The following TENM3 variants were observed in gnomAD, a reference collection of about 807,000 sequenced individuals.
TENM3 encodes the protein teneurin-3.
TENM3 carries 63 observed loss-of-function variants against 255.1 expected under a neutral mutation model. That is an observed-to-expected ratio of 0.25 (90% confidence interval 0.20 to 0.30). The LOEUF (loss-of-function observed/expected upper bound fraction) is 0.30, where lower values mean the gene tolerates loss of function less well. Among genes scored for constraint, TENM3 ranks in the 10% least tolerant of loss-of-function variants. The pLI is 1.00. For missense variants in TENM3, 2,929 were observed against 3,461.1 expected (o/e 0.85, Z 3.86); for synonymous variants, 1,306 against 1,322.3 (o/e 0.99, Z 0.27).
chr4:181,637,074 G>A, the TENM3 span, among the ~76,000 whole-genome samples: 5 of 152,028 alleles, frequency 3.3e-5, no homozygotes, highest in Admixed American at 6.6e-5. Flanking sequence ...GCTCTCTGCC[G>A]CCTTCAGGTC....
At chr4:182,356,334 C>T (rs1232109691) in intron 3 of TENM3, among the ~76,000 whole-genome samples, 1 of 152,118 alleles carries the variant, frequency 6.6e-6, no homozygotes, top group Non-Finnish European at 1.5e-5. Flanking sequence ...GAGACCCCAT[C>T]TCAGAGAAAA....
At chr4:182,622,135 C>T (rs1732043259) in intron 4 of TENM3, among the ~76,000 whole-genome samples, 2 of 151,932 alleles carry the variant, frequency 1.3e-5, no homozygotes, top group Admixed American at 6.6e-5. Context: ...CCAAGGCGGG[C>T]AGATCACCTA....
At chr4:181,745,754 A>C in the TENM3 span, among the ~76,000 whole-genome samples, 1 of 152,300 alleles carries the variant, frequency 6.6e-6, no homozygotes, top group East Asian at 1.9e-4. Context: ...AGGATACAGA[A>C]AAATGCATGA....
the TENM3 span, among the ~76,000 whole-genome samples, chr4:182,014,033 CACATATAT>C: frequency 7.3e-3 from 150 of 20,488 alleles, 1 homozygote; most frequent in Admixed American, 0.013. Flanking sequence ...TACGTATATA[CACATATAT>C]ACGTATATAT....
chr4:182,346,587 A>G, intron 2 of TENM3, 64 bp from the exon 3 acceptor site: 2 of 1,400,180 alleles, frequency 1.4e-6, no homozygotes, highest in Non-Finnish European at 1.9e-6. Flanking sequence ...AAAAAAAAAA[A>G]AAGAAAAGAA....
chr4:181,517,723 T>C, the TENM3 span, among the ~76,000 whole-genome samples: 1 of 152,220 alleles, frequency 6.6e-6, no homozygotes, highest in Non-Finnish European at 1.5e-5. Flanking sequence ...TCTGAATGAT[T>C]CACACACGCT....
chr4:181,711,149 TG>T, the TENM3 span, among the ~76,000 whole-genome samples: 1 of 152,182 alleles, frequency 6.6e-6, no homozygotes. Flanking sequence ...GTATTCTAGC[TG>T]ATCAAAGCAA....
the TENM3 span, among the ~76,000 whole-genome samples, chr4:181,714,404 C>A: frequency 2.6e-3 from 399 of 152,276 alleles, 3 homozygotes; most frequent in Non-Finnish European, 4.1e-3. Context: ...GTTCACACCA[C>A]TGCACTCCAA....
At chr4:182,150,716 A>G (rs1750281339) in intron 1 of TENM3, among the ~76,000 whole-genome samples, 1 of 152,124 alleles carries the variant, frequency 6.6e-6, no homozygotes, top group African/African-American at 2.4e-5. Context: ...AGCTCTTAAT[A>G]TATTTTAGTC....
At chr4:182,004,270 A>C in the TENM3 span, among the ~76,000 whole-genome samples, 1 of 151,824 alleles carries the variant, frequency 6.6e-6, no homozygotes, top group Non-Finnish European at 1.5e-5. Context: ...TTATGTGACC[A>C]TGTGTTCTCA....
chr4:181,570,532 GGAAA>G, the TENM3 span, among the ~76,000 whole-genome samples: 3 of 123,410 alleles, frequency 2.4e-5, no homozygotes, highest in East Asian at 2.2e-4. Context: ...AATGAACGAA[GGAAA>G]GAAAGAAAGA....
intron 3 of TENM3, among the ~76,000 whole-genome samples, chr4:182,409,485 G>A (rs1769824961): frequency 1.3e-5 from 2 of 152,264 alleles, no homozygotes; most frequent in African/African-American, 2.4e-5. Context: ...CCCCTGTCGG[G>A]CCCAGATCCA....
chr4:181,632,480 C>A, the TENM3 span, among the ~76,000 whole-genome samples: 11,369 of 152,190 alleles, frequency 0.075, 483 homozygotes, highest in East Asian at 0.14. Context: ...AAGAGCTTTG[C>A]AAATATTAAG....
the TENM3 span, among the ~76,000 whole-genome samples, chr4:181,673,157 A>G: frequency 6.6e-6 from 1 of 152,210 alleles, no homozygotes; most frequent in Non-Finnish European, 1.5e-5. Context: ...CCACAGGTTC[A>G]TGAAATTCCC....
At chr4:182,499,866 G>A (rs953065448) in intron 3 of TENM3, among the ~76,000 whole-genome samples, 3 of 151,930 alleles carry the variant, frequency 2.0e-5, no homozygotes, top group Admixed American at 6.6e-5. Flanking sequence ...AACATTTACA[G>A]ACTATAATAA....
chr4:182,345,264 C>T (rs943267210), intron 2 of TENM3, among the ~76,000 whole-genome samples: 3 of 152,104 alleles, frequency 2.0e-5, no homozygotes, highest in Non-Finnish European at 4.4e-5. Flanking sequence ...CTTTACAACC[C>T]AATATTTACT....
intron 3 of TENM3, among the ~76,000 whole-genome samples, chr4:182,484,292 G>A (rs1734490071): frequency 6.6e-6 from 1 of 152,206 alleles, no homozygotes; most frequent in Admixed American, 6.5e-5. Flanking sequence ...AGGTCATGCA[G>A]CTAGTCAGTT....
chr4:182,384,359 T>C (rs1767764726), intron 3 of TENM3, among the ~76,000 whole-genome samples: 1 of 151,370 alleles, frequency 6.6e-6, no homozygotes, highest in African/African-American at 2.4e-5. Context: ...TTTAGTACCA[T>C]TACTTTGAAA....
At chr4:181,470,870 TACCAGTAATTTA>T in the TENM3 span, among the ~76,000 whole-genome samples, 2 of 152,224 alleles carry the variant, frequency 1.3e-5, no homozygotes, top group Non-Finnish European at 2.9e-5. Flanking sequence ...TTTTATTAAA[TACCAGTAATTTA>T]ACATCCTTGA....
Sources: allele counts gnomAD v4.1 joint callset (sites outside exome capture counted in the v4.1 genomes callset), GRCh38; gene constraint gnomAD v4.1.1; transcripts MANE v1.5; gene names NCBI Gene and HGNC (gene_info 2026-07-23, HGNC 2026-07-21).